CRIM1: variants seen among roughly 807,000 people sequenced by gnomAD.
The protein encoded by CRIM1 is cysteine-rich motor neuron 1 protein.
A neutral mutation model predicts 116.4 loss-of-function variants in CRIM1; 32 were observed. That is an observed-to-expected ratio of 0.27 (90% CI 0.21 to 0.37). The LOEUF is 0.37. Among genes scored for constraint, CRIM1 ranks in the 10% least tolerant of loss-of-function variants. CRIM1 has a pLI of 1.00. For missense variants in CRIM1, 1,331 were observed against 1,354.8 expected (o/e 0.98, Z 0.28); for synonymous variants, 590 against 509.2 (o/e 1.16, Z -2.13).
intron 9 of CRIM1, among the ~76,000 whole-genome samples, chr2:36,511,450 G>A (rs1231956383): frequency 1.3e-5 from 2 of 152,146 alleles, no homozygotes; most frequent in African/African-American, 2.4e-5. Flanking sequence ...ATAAGAATAT[G>A]ATGTCAATAA....
Position 36,544,492 on chromosome 2 carries a change from C to T in CRIM1, c.2740C>T (p.Pro914Ser), listed in dbSNP as rs775307774. The T allele has an allele frequency of 3.0e-6, 4 of 1,344,266 alleles. No individual in the cohort carries two copies. The highest frequency in any genetic ancestry group is 2.9e-6 in the Non-Finnish European group (3 of 1,037,842). The allele number at this position is 1,344,266 out of a possible 1,614,324, so 83.3% of individuals were successfully genotyped here. ...TPSENDIVHL[P>S]RDMGHLQVDY... is the part of the protein sequence containing the mutation. ...TAGTGAAAATGATATCGTCCATCTC[C>T]CTAGAGGTAAGCATTGAAGGCAGCT... The change falls in exon 15 of 17, where the codon CCT (proline) becomes TCT (serine). Residue 914 changes from proline to serine, a missense_variant. By Grantham distance (74) the Pro-to-Ser change is moderately conservative (BLOSUM62 -1). Around this residue, in one of 3 missense-constraint regions of CRIM1, gnomAD observed 283 missense variants for 242.8 expected, o/e 1.17. Transcript: ENST00000280527.
intron 8 of CRIM1, among the ~76,000 whole-genome samples, chr2:36,503,263 G>A (rs1016014419): frequency 2.0e-5 from 3 of 152,112 alleles, no homozygotes; most frequent in Non-Finnish European, 4.4e-5. Flanking sequence ...AGACTGCCTG[G>A]GTTTGAATCT....
chr2:36,363,529 G>GGCC (rs1669375377), intron 1 of CRIM1, among the ~76,000 whole-genome samples: 2 of 77,846 alleles, frequency 2.6e-5, no homozygotes, highest in Admixed American at 1.5e-4. Flanking sequence ...AGTCGTCGCC[G>GGCC]CCCCCCCCCC....
intron 8 of CRIM1, 193 bp downstream of exon 8, chr2:36,499,540 G>GT (rs1469391438): frequency 5.5e-6 from 3 of 547,258 alleles, no homozygotes; most frequent in East Asian, 3.6e-5. Flanking sequence ...GCTTTATTGT[G>GT]TTTTTTTCTC....
chr2:36,431,339 G>A (rs1442814237), intron 2 of CRIM1, among the ~76,000 whole-genome samples: 3 of 151,890 alleles, frequency 2.0e-5, no homozygotes, highest in African/African-American at 7.3e-5. Flanking sequence ...ACTCTCCAAG[G>A]CAGTCTTGTA....
chr2:36,550,066 T>TGG lies in CRIM1; in HGVS notation c.*1366_*1367insGG. 1 of 149,770 alleles carries TGG rather than the reference T, an allele frequency of 6.7e-6. No individual in the cohort carries two copies. Among genetic ancestry groups the TGG allele is most frequent in the African/African-American group, 2.5e-5 (1 of 40,008 alleles). 9.3% of individuals were successfully genotyped at this position (149,770 alleles called of 1,614,324 possible). On this transcript the variant is annotated 3_prime_UTR_variant, in exon 17 of 17. Coordinates refer to ENST00000280527, the MANE Select transcript of CRIM1 (RefSeq NM_016441.3). ...ATGTGTGTGTGTGTGTGTGTGTGTG[T>TGG]GCGCGCGCACGCACGCCTTGAGCAG...
intron 9 of CRIM1, 64 bp downstream of exon 9, chr2:36,510,203 T>G: frequency 6.7e-7 from 1 of 1,493,394 alleles, no homozygotes; most frequent in Non-Finnish European, 9.2e-7. Flanking sequence ...TTTCTACACA[T>G]TTTGTTTTAT....
At chr2:36,450,031 T>C (rs1365791264) in intron 4 of CRIM1, among the ~76,000 whole-genome samples, 2 of 152,176 alleles carry the variant, frequency 1.3e-5, no homozygotes, top group Non-Finnish European at 2.9e-5. Flanking sequence ...TTGACTATTG[T>C]TAGTTAACCT....
intron 14 of CRIM1, among the ~76,000 whole-genome samples, chr2:36,540,210 C>T (rs965352068): frequency 6.6e-6 from 1 of 152,162 alleles, no homozygotes; most frequent in Non-Finnish European, 1.5e-5. Context: ...CAGACTTGTG[C>T]ACTTAGCACT....
chr2:36,424,928 C>A (rs936244902), intron 2 of CRIM1, among the ~76,000 whole-genome samples: 1 of 152,134 alleles, frequency 6.6e-6, no homozygotes, highest in South Asian at 2.1e-4. Flanking sequence ...AAATTATTTC[C>A]TCTATTCTCT....
chr2:36,371,604 C>T (rs185888216), intron 1 of CRIM1, among the ~76,000 whole-genome samples: 9 of 152,210 alleles, frequency 5.9e-5, no homozygotes, highest in Middle Eastern at 3.4e-3. Context: ...TTGCTCATGC[C>T]GATCAGTCTT....
chr2:36,492,112 C>CT (rs537977845), intron 7 of CRIM1, among the ~76,000 whole-genome samples: 113 of 152,216 alleles, frequency 7.4e-4, no homozygotes, highest in African/African-American at 2.6e-3. Flanking sequence ...ATTAATATGT[C>CT]TAACAGCCAA....
At chr2:36,478,717 A>C (rs1679177949) in intron 6 of CRIM1, among the ~76,000 whole-genome samples, 1 of 152,208 alleles carries the variant, frequency 6.6e-6, no homozygotes, top group African/African-American at 2.4e-5. Flanking sequence ...TTGTTTGTTG[A>C]AGCCAGTTTT....
chr2:36,393,209 A>G (rs1168048470), intron 1 of CRIM1, among the ~76,000 whole-genome samples: 2 of 152,190 alleles, frequency 1.3e-5, no homozygotes, highest in Non-Finnish European at 1.5e-5. Context: ...GAAGAGAGTA[A>G]TGATAGATGA....
intron 1 of CRIM1, among the ~76,000 whole-genome samples, chr2:36,377,550 G>T (rs564192092): frequency 6.6e-6 from 1 of 152,284 alleles, no homozygotes; most frequent in African/African-American, 2.4e-5. Context: ...TCTGTAAAAT[G>T]GGAATAACAA....
intron 5 of CRIM1, among the ~76,000 whole-genome samples, chr2:36,469,193 G>T (rs142104837): frequency 1.7e-4 from 26 of 152,284 alleles, no homozygotes; most frequent in African/African-American, 6.3e-4. Flanking sequence ...GCCAAGAGTG[G>T]TGGGTGGATG....
intron 1 of CRIM1, among the ~76,000 whole-genome samples, chr2:36,372,207 C>T (rs1028131848): frequency 6.6e-6 from 1 of 152,094 alleles, no homozygotes; most frequent in Admixed American, 6.6e-5. Flanking sequence ...TAAAATGCCT[C>T]ACAATGGTTC....
chr2:36,465,385 TAAAC>T (rs779424967), intron 5 of CRIM1, among the ~76,000 whole-genome samples: 6 of 152,130 alleles, frequency 3.9e-5, no homozygotes, highest in Non-Finnish European at 8.8e-5. Context: ...AAAAATAAAA[TAAAC>T]AAGTTACATG....
chr2:36,536,854 C>T (rs538080224), intron 13 of CRIM1, among the ~76,000 whole-genome samples: 2 of 151,768 alleles, frequency 1.3e-5, no homozygotes, highest in Non-Finnish European at 2.9e-5. Flanking sequence ...TAGAAATGTC[C>T]TTGTAGGTGA....
Sources: allele counts gnomAD v4.1 joint callset (sites outside exome capture counted in the v4.1 genomes callset), GRCh38; gene constraint gnomAD v4.1.1; regional missense constraint gnomAD v4.1.1; transcripts MANE v1.5; gene names NCBI Gene and HGNC (gene_info 2026-07-23, HGNC 2026-07-21).